The following NR6A1 variants were observed in gnomAD, a reference collection of about 807,000 sequenced individuals.
NR6A1 encodes the protein nuclear receptor subfamily 6 group A member 1, also known as retinoic acid receptor-related testis-associated receptor.
NR6A1 carries 7 observed loss-of-function variants against 59.1 expected under a neutral mutation model. The observed-to-expected ratio is 0.12, with a 90% CI of 0.07 to 0.22. The LOEUF is 0.22. Ranked by LOEUF, NR6A1 falls within the 10% of genes least tolerant of loss-of-function variation. NR6A1 has a pLI of 1.00. For synonymous variants in NR6A1, 243 were observed against 236.1 expected, an observed-to-expected ratio of 1.03 and a Z score of -0.27; for missense variants, 468 against 611.6, an observed-to-expected ratio of 0.77 and a Z score of 2.48.
intron 1 of NR6A1, among the ~76,000 whole-genome samples, chr9:124,761,055 A>G (rs961094361): frequency 6.6e-6 from 1 of 152,266 alleles, no homozygotes; most frequent in Non-Finnish European, 1.5e-5. Context: ...CTTCAAGGGT[A>G]CAGAAAGAAT....
intron 2 of NR6A1, among the ~76,000 whole-genome samples, chr9:124,590,887 T>A (rs1192943254): frequency 1.3e-5 from 2 of 152,238 alleles, no homozygotes; most frequent in African/African-American, 4.8e-5. Context: ...TTAACATCTC[T>A]GTTACCTTAA....
intron 1 of NR6A1, among the ~76,000 whole-genome samples, chr9:124,757,848 CT>C (rs1840676997): frequency 6.6e-6 from 1 of 152,168 alleles, no homozygotes; most frequent in Admixed American, 6.5e-5. Context: ...GCCAGGAGTC[CT>C]TATCTATGCT....
intron 2 of NR6A1, among the ~76,000 whole-genome samples, chr9:124,590,902 C>T (rs750674114): frequency 6.6e-6 from 1 of 152,204 alleles, no homozygotes; most frequent in Non-Finnish European, 1.5e-5. Flanking sequence ...CCTTAAAGCC[C>T]ATCCCCCTCT....
At chr9:124,636,940 C>CAA (rs539460380) in intron 2 of NR6A1, among the ~76,000 whole-genome samples, 3 of 151,460 alleles carry the variant, frequency 2.0e-5, no homozygotes, top group African/African-American at 7.3e-5. Context: ...CACAGAATTA[C>CAA]AAAAAAAACA....
At chr9:124,770,803 G>C (rs1049406417) in intron 1 of NR6A1, among the ~76,000 whole-genome samples, 1 of 151,544 alleles carries the variant, frequency 6.6e-6, no homozygotes, top group African/African-American at 2.4e-5. Context: ...CCGCGCAGAA[G>C]GGAACAGGGA....
chr9:124,532,819 T>C (rs1045637562), intron 7 of NR6A1, among the ~76,000 whole-genome samples: 19 of 152,358 alleles, frequency 1.2e-4, no homozygotes, highest in African/African-American at 4.1e-4. Flanking sequence ...GAAATGTGGC[T>C]GGTGCAAATG....
intron 2 of NR6A1, among the ~76,000 whole-genome samples, chr9:124,659,599 C>T (rs1204997816): frequency 6.6e-6 from 1 of 151,386 alleles, no homozygotes; most frequent in South Asian, 2.1e-4. Context: ...TTCTCAGTCG[C>T]GCCTGCTTTT....
rs111775528 is a variant in NR6A1, at chr9:124,741,151, G to A, written c.101-7802C>T. On this transcript the variant is annotated intron_variant, in intron 1 of 9. Coordinates refer to ENST00000487099, the MANE Select transcript of NR6A1 (RefSeq NM_033334.4). ...GCCAATGAGTACTTGGAATGTGACTGGCGTGAATGAGGAACTGAATTTTTA... is the reference window on the plus strand; with the variant it reads ...GCCAATGAGTACTTGGAATGTGACTAGCGTGAATGAGGAACTGAATTTTTA... 8.4e-3 allele frequency among the ~76,000 whole-genome samples: 1,283 copies of A among 152,288 alleles called. 17 individuals are homozygous for A. The highest frequency in any genetic ancestry group is 0.029 in the African/African-American group (1,223 of 41,540).
intron 2 of NR6A1, among the ~76,000 whole-genome samples, chr9:124,613,892 A>G (rs1835820557): frequency 6.6e-6 from 1 of 152,218 alleles, no homozygotes; most frequent in Non-Finnish European, 1.5e-5. Context: ...GCCAAGATGG[A>G]GTAATGGGGA....
chr9:124,766,989 C>T (rs1840951379), intron 1 of NR6A1, among the ~76,000 whole-genome samples: 1 of 152,204 alleles, frequency 6.6e-6, no homozygotes, highest in Non-Finnish European at 1.5e-5. Context: ...TTAAAGCCAA[C>T]TTGCACAACA....
intron 2 of NR6A1, among the ~76,000 whole-genome samples, chr9:124,619,251 T>C (rs1471664050): frequency 6.6e-6 from 1 of 152,140 alleles, no homozygotes; most frequent in Admixed American, 6.6e-5. Flanking sequence ...CAATTAAGTA[T>C]GTAATTTTAA....
At chr9:124,692,002 A>G (rs1203452815) in intron 2 of NR6A1, among the ~76,000 whole-genome samples, 2 of 152,244 alleles carry the variant, frequency 1.3e-5, no homozygotes, top group Non-Finnish European at 2.9e-5. Context: ...CATGAAGTCC[A>G]GTATTCAAAT....
chr9:124,738,187 G>T (rs1840067580), intron 1 of NR6A1, among the ~76,000 whole-genome samples: 1 of 152,150 alleles, frequency 6.6e-6, no homozygotes, highest in Non-Finnish European at 1.5e-5. Context: ...CTGGGAGGCG[G>T]AGGTTGCAGT....
intron 2 of NR6A1, among the ~76,000 whole-genome samples, chr9:124,646,155 A>G (rs1030894102): frequency 6.6e-6 from 1 of 152,214 alleles, no homozygotes. Flanking sequence ...CATATGTTAG[A>G]AAAGACAACC....
intron 2 of NR6A1, among the ~76,000 whole-genome samples, chr9:124,672,576 C>T (rs1402403175): frequency 6.6e-6 from 1 of 151,790 alleles, no homozygotes; most frequent in African/African-American, 2.4e-5. Context: ...GATCATGCCA[C>T]TGCACTCCAG....
intron 1 of NR6A1, among the ~76,000 whole-genome samples, chr9:124,765,730 T>C (rs919937052): frequency 2.0e-5 from 3 of 152,084 alleles, no homozygotes; most frequent in Non-Finnish European, 4.4e-5. Context: ...AAAGTCTTAT[T>C]TAAATAACTG....
chr9:124,577,966 C>T (rs1459850161), intron 2 of NR6A1, among the ~76,000 whole-genome samples: 1 of 152,180 alleles, frequency 6.6e-6, no homozygotes, highest in Non-Finnish European at 1.5e-5. Flanking sequence ...TGGAGTCTTA[C>T]AAAGTGAAAG....
At chr9:124,704,030 G>A (rs1054018005) in intron 2 of NR6A1, among the ~76,000 whole-genome samples, 1 of 152,126 alleles carries the variant, frequency 6.6e-6, no homozygotes, top group Non-Finnish European at 1.5e-5. Context: ...CTCTTTGTAG[G>A]AAGATTTTTA....
intron 7 of NR6A1, among the ~76,000 whole-genome samples, chr9:124,535,436 G>C (rs1480754019): frequency 1.3e-5 from 2 of 152,002 alleles, no homozygotes. Context: ...AAATTAGCCA[G>C]GTGTGGTGGC....
Sources: gnomAD v4.1 joint callset for allele counts (sites outside exome capture counted in the v4.1 genomes callset) on GRCh38, gnomAD v4.1.1 for gene constraint, MANE v1.5 for transcripts, NCBI Gene and HGNC (gene_info 2026-07-23, HGNC 2026-07-21) for gene names.